RELN: variants seen among roughly 807,000 people sequenced by gnomAD.
RELN encodes reelin.
In RELN, 108 loss-of-function variants were observed where a neutral mutation model predicts 427.6. That is an observed-to-expected ratio of 0.25 (90% confidence interval 0.22 to 0.30). The LOEUF is 0.30. RELN is among the 10% of genes least tolerant of loss of function. The pLI is 1.00. For missense variants in RELN, 3,715 were observed against 4,302.8 expected, an observed-to-expected ratio of 0.86 and a Z score of 3.82; for synonymous variants, 1,524 against 1,513.4, an observed-to-expected ratio of 1.01 and a Z score of -0.16.
chr7:103,521,143 A>AT (rs747127511), intron 48 of RELN, among the ~76,000 whole-genome samples: 23 of 147,820 alleles, frequency 1.6e-4, no homozygotes, highest in African/African-American at 4.7e-4. Context: ...CGCCCGGCTA[A>AT]TTTTTTTTTG....
At chr7:103,511,424 G>C (rs1358676573) in intron 50 of RELN, among the ~76,000 whole-genome samples, 1 of 151,826 alleles carries the variant, frequency 6.6e-6, no homozygotes, top group Non-Finnish European at 1.5e-5. Flanking sequence ...AATTGCACTG[G>C]GCTGGTCATT....
At chr7:103,967,379 G>A (rs1796680428) in intron 1 of RELN, among the ~76,000 whole-genome samples, 1 of 152,060 alleles carries the variant, frequency 6.6e-6, no homozygotes, top group Non-Finnish European at 1.5e-5. Flanking sequence ...AAGTGTTTTA[G>A]TTTCTTGTGG....
intron 2 of RELN, among the ~76,000 whole-genome samples, chr7:103,887,143 A>G (rs1240310990): frequency 6.6e-6 from 1 of 152,204 alleles, no homozygotes; most frequent in African/African-American, 2.4e-5. Flanking sequence ...CTGCCTTAAC[A>G]CAAGGTGGCT....
intron 17 of RELN, among the ~76,000 whole-genome samples, chr7:103,637,734 A>C (rs2117354849): frequency 6.6e-6 from 1 of 152,324 alleles, no homozygotes; most frequent in South Asian, 2.1e-4. Context: ...CTTAGACTGA[A>C]TAGCCAAGTT....
chr7:103,508,170 C>A (rs183987332), intron 51 of RELN, among the ~76,000 whole-genome samples: 2 of 152,170 alleles, frequency 1.3e-5, no homozygotes. Context: ...GGGAATCCCC[C>A]CTAACTCATT....
intron 20 of RELN, among the ~76,000 whole-genome samples, chr7:103,623,277 A>G (rs780805515): frequency 1.2e-4 from 19 of 152,258 alleles, no homozygotes; most frequent in Non-Finnish European, 2.1e-4. Context: ...TTCCTTCAGC[A>G]GTACAATTTT....
chr7:103,900,879 C>G (rs1309376849), intron 2 of RELN, among the ~76,000 whole-genome samples: 4 of 151,664 alleles, frequency 2.6e-5, no homozygotes, highest in African/African-American at 2.4e-5. Context: ...GAAATAGGAC[C>G]ATAAAAATCT....
intron 11 of RELN, among the ~76,000 whole-genome samples, chr7:103,677,509 T>C (rs1402427586): frequency 2.0e-5 from 3 of 147,050 alleles, no homozygotes; most frequent in African/African-American, 7.5e-5. Context: ...CTCATGCCTG[T>C]AATCCCAGCA....
intron 1 of RELN, among the ~76,000 whole-genome samples, chr7:103,965,161 C>A (rs1274280134): frequency 6.6e-6 from 1 of 152,124 alleles, no homozygotes; most frequent in Non-Finnish European, 1.5e-5. Context: ...TTGCATAGAC[C>A]TTAAGGCCAA....
rs1182042456 is a variant in RELN at position 103,636,258 on chromosome 7, A to T, written c.2280T>A (p.Ser760=). ...NKDGRRQLIT[S]FLDSSQSRFL... ...ACCTGGATTGTGAGCTGTCAAGGAAAGATGTAATTAGCTGACGCCGCCCAT... is the reference window on the plus strand; with the variant it reads ...ACCTGGATTGTGAGCTGTCAAGGAATGATGTAATTAGCTGACGCCGCCCAT... The change falls in exon 18 of 65, where the codon TCT becomes TCA. Residue 760 remains serine, a synonymous_variant. Transcript: ENST00000428762. 1 of 1,613,678 alleles carries T rather than the reference A, an allele frequency of 6.2e-7. No homozygotes were observed. Among genetic ancestry groups the T allele is most frequent in the Admixed American group, 1.7e-5 (1 of 60,004 alleles).
chr7:103,932,127 G>T lies in RELN; in HGVS notation c.227-14942C>A, dbSNP rs542765380. The stretch of plus-strand genomic sequence containing the variant: ...CACTATTCACAATAGCAAAGACATG[G>T]AATTAACCTAAATGCCCATCAATGG... On this transcript the variant is annotated intron_variant, in intron 1 of 64. Coordinates refer to ENST00000428762, the MANE Select transcript of RELN (RefSeq NM_005045.4). 2.0e-3 allele frequency among the ~76,000 whole-genome samples: 312 copies of T among 152,304 alleles called. 2 individuals carry two copies. Among genetic ancestry groups the T allele is most frequent in the African/African-American group, 7.0e-3 (292 of 41,558 alleles).
chr7:103,813,566 A>G (rs1001505207), intron 3 of RELN, among the ~76,000 whole-genome samples: 3 of 148,966 alleles, frequency 2.0e-5, no homozygotes, highest in South Asian at 2.1e-4. Context: ...ATTTTTGTAC[A>G]TACATATATA....
At position 103,636,406 on chromosome 7, in the gene RELN, A is replaced by T; in HGVS notation, c.2132T>A (p.Ile711Asn). 1 of 1,614,078 alleles carries T rather than the reference A, an allele frequency of 6.2e-7. No homozygotes were observed. Among genetic ancestry groups the T allele is most frequent in the Non-Finnish European group, 8.5e-7 (1 of 1,179,974 alleles). ...EMASQTFPMF[I>N]SESFGSSRLS... ...CCTGGAACTGCCAAAGCTTTCAGAA[A>T]TAAACATTGGGAATGTCTGGGATGC... Residue 711 changes from isoleucine to asparagine, a missense_variant, in exon 18 of 65, where the codon ATT becomes AAT. By Grantham distance (149) the Ile-to-Asn change is moderately radical. Transcript: ENST00000428762.
chr7:103,753,020 CT>C, intron 5 of RELN, among the ~76,000 whole-genome samples, 161 bp downstream of exon 5: 1 of 152,162 alleles, frequency 6.6e-6, no homozygotes, highest in Non-Finnish European at 1.5e-5. Context: ...CAAGGAGGTT[CT>C]GTGTTCAAGT....
chr7:103,510,315 A>T (rs1437313318), intron 51 of RELN, among the ~76,000 whole-genome samples: 1 of 152,236 alleles, frequency 6.6e-6, no homozygotes. Flanking sequence ...ACCATAAAAA[A>T]GATGAGTTCA....
intron 2 of RELN, among the ~76,000 whole-genome samples, chr7:103,847,721 C>G (rs532529375): frequency 2.6e-5 from 4 of 152,002 alleles, no homozygotes; most frequent in Non-Finnish European, 5.9e-5. Context: ...TAAAGAAAGC[C>G]TTGTTGAGGC....
intron 42 of RELN, among the ~76,000 whole-genome samples, chr7:103,544,308 G>A (rs1354539932): frequency 2.3e-5 from 3 of 127,954 alleles, no homozygotes; most frequent in African/African-American, 6.0e-5. Flanking sequence ...GTGTGATCTC[G>A]GCTCACTGCA....
At chr7:103,509,642 A>ATTT in intron 51 of RELN, among the ~76,000 whole-genome samples, 1 of 152,350 alleles carries the variant, frequency 6.6e-6, no homozygotes, top group Non-Finnish European at 1.5e-5. Flanking sequence ...AACAAAAGCC[A>ATTT]AAGTAGACCA....
At chr7:103,921,823 T>C (rs888617912) in intron 1 of RELN, among the ~76,000 whole-genome samples, 4 of 146,832 alleles carry the variant, frequency 2.7e-5, no homozygotes, top group Non-Finnish European at 4.4e-5. Flanking sequence ...TCTATACTTC[T>C]CTGCCTCCTG....
Sources: allele counts gnomAD v4.1 joint callset (sites outside exome capture counted in the v4.1 genomes callset), GRCh38; gene constraint gnomAD v4.1.1; transcripts MANE v1.5; gene names NCBI Gene and HGNC (gene_info 2026-07-23, HGNC 2026-07-21).